CNDP2: variants seen among roughly 807,000 people sequenced by gnomAD.
CNDP2 encodes the protein carnosine dipeptidase 2.
CNDP2 carries 38 observed loss-of-function variants against 55.0 expected under a neutral mutation model. That is an observed-to-expected ratio of 0.69 (90% CI 0.53 to 0.90). CNDP2 has a LOEUF of 0.90. CNDP2 is among the 40% of genes least tolerant of loss of function. The pLI is 0.00. For synonymous variants in CNDP2, 241 were observed against 260.2 expected (o/e 0.93, Z 0.71); for missense variants, 607 against 621.7 (o/e 0.98, Z 0.25).
At position 74,506,024 on chromosome 18, in the gene CNDP2, C is replaced by G. The variant is rs754796315; in HGVS notation, c.367+13C>G. 1 of 1,553,590 alleles carries G rather than the reference C, an allele frequency of 6.4e-7. No homozygotes were observed. The highest frequency in any genetic ancestry group is 8.7e-7 in the Non-Finnish European group (1 of 1,155,636). ...GTGGAGCGAGACGGTGAGCGCCGCG[C>G]GCCTATGCGTGCCCAGAGGAAAGGC... is the stretch of plus-strand genomic sequence containing the variant. On this transcript the variant is annotated intron_variant, in intron 4 of 11. Transcript: ENST00000324262.
Position 74,521,687 on chromosome 18 carries a change from A to C in CNDP2, c.*1619A>C, listed in dbSNP as rs914579080. ...CATACTAATATAAATAAAGTGACAA[A>C]GTGGGTGAGAAGGACCAGTGCCCCT... On this transcript the variant is annotated 3_prime_UTR_variant, in exon 12 of 12. Transcript: ENST00000324262. 2.6e-5 allele frequency: 4 copies of C among 152,216 alleles called. No individual in the cohort carries two copies. Among genetic ancestry groups the C allele is most frequent in the African/African-American group, 9.7e-5 (4 of 41,440 alleles). The allele number at this position is 152,216 out of a possible 1,614,324, so 9.4% of individuals were successfully genotyped here. A position where few individuals can be genotyped will look rare whatever the true frequency, so the allele number is the denominator to read the frequency against.
intron 1 of CNDP2, among the ~76,000 whole-genome samples, chr18:74,497,010 T>C (rs1039627570): frequency 3.9e-5 from 6 of 152,126 alleles, no homozygotes; most frequent in African/African-American, 1.4e-4. Flanking sequence ...GGAGACAAAA[T>C]TCCCATGCCA....
At chr18:74,519,613 G>A (rs1979934795) in intron 11 of CNDP2, among the ~76,000 whole-genome samples, 1 of 152,218 alleles carries the variant, frequency 6.6e-6, no homozygotes, top group African/African-American at 2.4e-5. Context: ...GGTAACCAAG[G>A]CAGACGATCA....
chr18:74,518,909 C>T (rs766352574), intron 10 of CNDP2, 40 bp from the exon 11 acceptor site: 1 of 1,608,210 alleles, frequency 6.2e-7, no homozygotes, highest in Admixed American at 1.7e-5. Context: ...AGCCTTAGGG[C>T]CCCAAAGCTC....
chr18:74,512,382 A>G (rs1048475581), intron 6 of CNDP2, 66 bp from the exon 7 acceptor site: 2 of 1,406,750 alleles, frequency 1.4e-6, no homozygotes, highest in East Asian at 2.4e-5. Flanking sequence ...TGTTGAATTT[A>G]CTGTCACATG....
At chr18:74,509,623 ACT>A (rs1979226742) in intron 5 of CNDP2, 2 of 112,182 alleles carry the variant, frequency 1.8e-5, no homozygotes, top group South Asian at 7.0e-4. Context: ...ACAGGGCGAG[ACT>A]CTGTCTCAAA....
At chr18:74,504,417 G>A (rs1396976094) in intron 3 of CNDP2, among the ~76,000 whole-genome samples, 2 of 152,262 alleles carry the variant, frequency 1.3e-5, no homozygotes, top group African/African-American at 4.8e-5. Flanking sequence ...AGGTTGCAGG[G>A]GTTACTTAAA....
intron 1 of CNDP2, among the ~76,000 whole-genome samples, chr18:74,497,195 C>G (rs1278292359): frequency 2.6e-5 from 4 of 152,022 alleles, no homozygotes; most frequent in African/African-American, 7.2e-5. Flanking sequence ...GCGGAGAACC[C>G]GGGGCCTGCT....
At chr18:74,513,463 C>G in intron 7 of CNDP2, 96 bp from the exon 8 acceptor site, 2 of 1,348,338 alleles carry the variant, frequency 1.5e-6, no homozygotes, top group Non-Finnish European at 2.0e-6. Context: ...AGCCGCATCT[C>G]TCCTGAGCCT....
At chr18:74,510,675 G>C (rs1979292552) in intron 5 of CNDP2, 138 bp from the exon 6 acceptor site, 2 of 726,386 alleles carry the variant, frequency 2.8e-6, no homozygotes, top group Admixed American at 5.6e-5. Flanking sequence ...TGGGGAGGGG[G>C]TGATGACAGG....
chr18:74,516,402 G>C lies in CNDP2; in HGVS notation c.1068+10G>C. ...AGTCGTCGGCGAGCAGGCATGTGGG[G>C]CTGGGACACGGGGTGGGGGCCAAGA... On this transcript the variant is annotated intron_variant, in intron 9 of 11. Coordinates refer to ENST00000324262, the MANE Select transcript of CNDP2 (RefSeq NM_018235.3). The C allele has an allele frequency of 6.2e-7, 1 of 1,601,328 alleles. No individual in the cohort carries two copies. Among genetic ancestry groups the C allele is most frequent in the South Asian group, 1.1e-5 (1 of 89,592 alleles).
intron 9 of CNDP2, 135 bp downstream of exon 9, chr18:74,516,527 A>G (rs1381488112): frequency 3.7e-6 from 3 of 810,462 alleles, no homozygotes; most frequent in African/African-American, 1.7e-5. Context: ...CAAGTCAGTA[A>G]TTATGACAGT....
intron 3 of CNDP2, among the ~76,000 whole-genome samples, chr18:74,504,455 A>G (rs1489021234): frequency 6.6e-6 from 1 of 152,276 alleles, no homozygotes; most frequent in Non-Finnish European, 1.5e-5. Flanking sequence ...CCTGGATCCC[A>G]TAAGAATCCC....
intron 3 of CNDP2, 28 bp from the exon 4 acceptor site, chr18:74,505,821 C>A (rs780928482): frequency 2.5e-6 from 4 of 1,612,532 alleles, no homozygotes; most frequent in Non-Finnish European, 3.4e-6. Context: ...CAAAGGCTGT[C>A]CTTGGTTCCT....
rs568734475 is a variant in CNDP2, at chr18:74,519,946, T to G, written c.1359-53T>G. The G allele has an allele frequency of 8.1e-4, 1,248 of 1,543,518 alleles. 1 individual carries two copies. Among genetic ancestry groups the G allele is most frequent in the Non-Finnish European group, 1.0e-3 (1,126 of 1,120,848 alleles). On this transcript the variant is annotated intron_variant, in intron 11 of 11. Transcript: ENST00000324262. ...GGCTCGGGAGGAGTCACCCCACACC[T>G]GGGTGTTGGCTCACGACACCAGCCA...
At position 74,518,361 on chromosome 18, in the gene CNDP2, C is replaced by CATAG. The variant is rs1474156251; in HGVS notation, c.1069-136_1069-133dup. On this transcript the variant is annotated intron_variant, in intron 9 of 11. Coordinates refer to ENST00000324262, the MANE Select transcript of CNDP2 (RefSeq NM_018235.3). ...AAAATGAGACTCATCGTAGACTCAG[C>CATAG]ATAGACCCATCACAGACCTGTCAGA... is the stretch of plus-strand genomic sequence containing the variant. 1.2e-5 allele frequency: 10 copies of CATAG among 826,954 alleles called. No individual in the cohort carries two copies. The Admixed American group carries it at 1.3e-4, about 11-fold the overall frequency. 51.2% of individuals were successfully genotyped at this position (826,954 alleles called of 1,614,324 possible).
intron 5 of CNDP2, among the ~76,000 whole-genome samples, chr18:74,510,510 C>T (rs566359283): frequency 2.0e-4 from 30 of 152,208 alleles, no homozygotes; most frequent in South Asian, 4.1e-4. Context: ...TCAGGACTCA[C>T]GTGGTGTTCC....
Position 74,518,698 on chromosome 18 carries a change from C to T in CNDP2, c.1210+58C>T, listed in dbSNP as rs1979865522. The T allele has an allele frequency of 8.7e-6, 14 of 1,608,288 alleles. No individual in the cohort carries two copies. The South Asian group carries it at 1.4e-4, about 16-fold the overall frequency. ...AGGGCCCTTCGCACGTCTGACAGGA[C>T]TCTGCTATATCGCGTGGGCGTGTAG... is the stretch of plus-strand genomic sequence containing the variant. On this transcript the variant is annotated intron_variant, in intron 10 of 11. Coordinates refer to ENST00000324262, the MANE Select transcript of CNDP2 (RefSeq NM_018235.3).
At chr18:74,519,872 C>T in intron 11 of CNDP2, 127 bp from the exon 12 acceptor site, 1 of 790,546 alleles carries the variant, frequency 1.3e-6, no homozygotes, top group Non-Finnish European at 2.0e-6. Flanking sequence ...CTCAGGGCCC[C>T]CAAGCTGGGA....
Sources: gnomAD v4.1 joint callset for allele counts (sites outside exome capture counted in the v4.1 genomes callset) on GRCh38, gnomAD v4.1.1 for gene constraint, MANE v1.5 for transcripts, NCBI Gene and HGNC (gene_info 2026-07-23, HGNC 2026-07-21) for gene names.